CAMK1D: variants seen among roughly 807,000 people sequenced by gnomAD.
CAMK1D encodes the protein calcium/calmodulin dependent protein kinase ID, also known as calcium/calmodulin-dependent protein kinase type 1D.
CAMK1D carries 9 observed loss-of-function variants against 47.7 expected under a neutral mutation model. The ratio of observed to expected loss-of-function variants is 0.19; its 90% CI spans 0.11 to 0.33. CAMK1D has a LOEUF of 0.33. Among genes scored for constraint, CAMK1D ranks in the 10% least tolerant of loss-of-function variants. The pLI is 1.00. For missense variants in CAMK1D, 291 were observed against 488.7 expected, an observed-to-expected ratio of 0.60 and a Z score of 3.81; for synonymous variants, 184 against 184.9, an observed-to-expected ratio of 0.99 and a Z score of 0.04.
At chr10:12,745,855 C>T (rs1159071187) in intron 3 of CAMK1D, among the ~76,000 whole-genome samples, 1 of 152,104 alleles carries the variant, frequency 6.6e-6, no homozygotes, top group Non-Finnish European at 1.5e-5. Flanking sequence ...CCATGCGCTT[C>T]GGCCCCCCAA....
chr10:12,592,650 A>G (rs538114884), intron 2 of CAMK1D, among the ~76,000 whole-genome samples: 13 of 152,314 alleles, frequency 8.5e-5, no homozygotes, highest in African/African-American at 3.1e-4. Context: ...ACATACTGAA[A>G]TCACAAGTCT....
chr10:12,638,686 C>T (rs1289059155), intron 2 of CAMK1D, among the ~76,000 whole-genome samples: 2 of 152,202 alleles, frequency 1.3e-5, no homozygotes, highest in African/African-American at 4.8e-5. Context: ...TTAGTCATAG[C>T]CATAGCCCCA....
chr10:12,459,785 C>CTG (rs1482111651), intron 1 of CAMK1D, among the ~76,000 whole-genome samples: 1 of 152,158 alleles, frequency 6.6e-6, no homozygotes, highest in African/African-American at 2.4e-5. Flanking sequence ...AGATTTTTCT[C>CTG]TGTCTCTTTG....
chr10:12,734,430 A>G (rs1364508937), intron 3 of CAMK1D, among the ~76,000 whole-genome samples: 1 of 38,448 alleles, frequency 2.6e-5, no homozygotes, highest in African/African-American at 7.9e-5. Flanking sequence ...ATGTATATAT[A>G]TATACACACA....
At position 12,667,263 on chromosome 10, in the gene CAMK1D, A is replaced by C. The variant is rs146045771; in HGVS notation, c.299+453A>C. Among the ~76,000 whole-genome samples the C allele has an allele frequency of 4.1e-3, 622 of 152,320 alleles. 5 individuals carry two copies. Among genetic ancestry groups the C allele is most frequent in the Middle Eastern group, 0.034 (10 of 294 alleles). On this transcript the variant is annotated intron_variant, in intron 3 of 10. Transcript: ENST00000619168. ...GTATACCCGTTTCTTCCCTTGTATTATTCCTTTGACAGATAACAGCACATG... is the reference window on the plus strand; with the variant it reads ...GTATACCCGTTTCTTCCCTTGTATTCTTCCTTTGACAGATAACAGCACATG...
In CAMK1D at chr10:12,450,898, G is replaced by A. The variant is rs540547615; in HGVS notation, c.92+100988G>A. On this transcript the variant is annotated intron_variant, in intron 1 of 10. Transcript: ENST00000619168. ...GCTTTGACTGCCTGGCGGCTATCAG[G>A]TGCTGCTGGCCCCAGAGGTTATGAG... 2.6e-5 allele frequency among the ~76,000 whole-genome samples: 4 copies of A among 152,324 alleles called. 1 individual carries two copies. In the South Asian group the frequency reaches 6.2e-4, roughly 24 times the overall value.
At position 12,653,940 on chromosome 10, in the gene CAMK1D, G is replaced by A. The variant is rs538409458; in HGVS notation, c.225-12796G>A. 2.6e-4 allele frequency among the ~76,000 whole-genome samples: 39 copies of A among 152,298 alleles called. No homozygotes were observed. In the South Asian group the frequency reaches 6.8e-3, roughly 27 times the overall value. On this transcript the variant is annotated intron_variant, in intron 2 of 10. Transcript: ENST00000619168. ...GCACCTGTTGGCTTGACATGGTCAT[G>A]GGTTTGAGTTGTGAAATATGGACCC... is the stretch of plus-strand genomic sequence containing the variant.
chr10:12,707,626 C>A (rs1833775215), intron 3 of CAMK1D, among the ~76,000 whole-genome samples: 1 of 152,196 alleles, frequency 6.6e-6, no homozygotes, highest in Non-Finnish European at 1.5e-5. Flanking sequence ...AAGGCTTGCT[C>A]AGCTCTGGGG....
intron 1 of CAMK1D, among the ~76,000 whole-genome samples, chr10:12,413,029 T>C (rs74118785): frequency 6.6e-6 from 1 of 152,304 alleles, no homozygotes; most frequent in African/African-American, 2.4e-5. Flanking sequence ...CAGAATGGTG[T>C]GTATATTAGG....
intron 4 of CAMK1D, among the ~76,000 whole-genome samples, chr10:12,765,094 C>CA (rs1043002766): frequency 1.9e-4 from 28 of 150,768 alleles, no homozygotes; most frequent in East Asian, 1.8e-3. Context: ...GACTCCATCT[C>CA]AAAAAAAAAC....
intron 2 of CAMK1D, among the ~76,000 whole-genome samples, chr10:12,648,008 A>C (rs1002372632): frequency 4.6e-5 from 7 of 152,252 alleles, no homozygotes; most frequent in Admixed American, 1.3e-4. Flanking sequence ...CAAAGCATCG[A>C]GGAGGCCACT....
intron 2 of CAMK1D, among the ~76,000 whole-genome samples, chr10:12,556,825 T>G (rs75011388): frequency 0.046 from 6,942 of 152,214 alleles, 168 homozygotes; most frequent in South Asian, 0.067. Context: ...AAGAATGGAC[T>G]GGGGGGCCAG....
At chr10:12,744,761 CGTG>C (rs1159862617) in intron 3 of CAMK1D, among the ~76,000 whole-genome samples, 1 of 150,834 alleles carries the variant, frequency 6.6e-6, no homozygotes, top group Non-Finnish European at 1.5e-5. Context: ...AAAAGCCAGA[CGTG>C]GTGGCTCATG....
At chr10:12,474,996 T>A (rs999156421) in intron 1 of CAMK1D, among the ~76,000 whole-genome samples, 2 of 152,324 alleles carry the variant, frequency 1.3e-5, no homozygotes, top group South Asian at 2.1e-4. Flanking sequence ...TTATCCAGTC[T>A]GCCATTGATG....
chr10:12,349,863 A>C lies in CAMK1D; in HGVS notation c.45A>C (p.Gln15His). The part of the protein sequence containing the change: ...NGESSSSWKK[Q>H]AEDIKKIFEF... Reference sequence around the variant, plus strand: ...AGAGCAGCTCCTCCTGGAAAAAGCAAGCTGAAGACATCAAGAAGATCTTCG... The same window carrying C: ...AGAGCAGCTCCTCCTGGAAAAAGCACGCTGAAGACATCAAGAAGATCTTCG... The change falls in exon 1 of 11, where the codon CAA becomes CAC. Residue 15 changes from glutamine (Q) to histidine (H), a missense_variant. By Grantham distance (24) the Gln-to-His change is conservative. This residue lies in a region of CAMK1D where 219 missense variants were observed against 424.3 expected (regional missense o/e 0.52). Coordinates refer to ENST00000619168, the MANE Select transcript of CAMK1D (RefSeq NM_153498.4). 1 of 1,545,018 alleles carries C rather than the reference A, an allele frequency of 6.5e-7. No homozygotes were observed. The highest frequency in any genetic ancestry group is 2.7e-5 in the East Asian group (1 of 36,814).
At chr10:12,502,872 C>T (rs138677803) in intron 1 of CAMK1D, among the ~76,000 whole-genome samples, 2 of 152,336 alleles carry the variant, frequency 1.3e-5, no homozygotes, top group Non-Finnish European at 2.9e-5. Context: ...CTCCTTGGAG[C>T]CCATCTTCAC....
chr10:12,488,904 C>T (rs60193924), intron 1 of CAMK1D, among the ~76,000 whole-genome samples: 10,268 of 152,210 alleles, frequency 0.067, 402 homozygotes, highest in East Asian at 0.16. Context: ...GCTCACTTGC[C>T]GTCCCCCTCC....
intron 3 of CAMK1D, among the ~76,000 whole-genome samples, chr10:12,689,183 A>C (rs1380766190): frequency 6.6e-6 from 1 of 152,214 alleles, no homozygotes; most frequent in African/African-American, 2.4e-5. Context: ...TTGTCTCAGG[A>C]GGTTTCCCTA....
At chr10:12,466,546 C>A (rs921910219) in intron 1 of CAMK1D, among the ~76,000 whole-genome samples, 2 of 150,796 alleles carry the variant, frequency 1.3e-5, no homozygotes, top group Admixed American at 1.3e-4. Flanking sequence ...GATCACACCA[C>A]TACACTCCAG....
Sources: gnomAD v4.1 joint callset for allele counts (sites outside exome capture counted in the v4.1 genomes callset) on GRCh38, gnomAD v4.1.1 for gene constraint, gnomAD v4.1.1 regional missense constraint, MANE v1.5 for transcripts, NCBI Gene and HGNC (gene_info 2026-07-23, HGNC 2026-07-21) for gene names.